The following TAFA1 variants were observed in gnomAD, a reference collection of about 807,000 sequenced individuals.
TAFA1 encodes the protein chemokine-like protein TAFA-1.
Under a neutral mutation model 18.5 loss-of-function variants are expected in TAFA1, and 4 were observed. The observed-to-expected ratio is 0.22, with a 90% CI of 0.11 to 0.49. The LOEUF (loss-of-function observed/expected upper bound fraction) is 0.49. TAFA1 is among the 20% of genes least tolerant of loss of function. TAFA1 has a pLI of 0.98. For missense variants in TAFA1, 147 were observed against 169.0 expected, an observed-to-expected ratio of 0.87 and a Z score of 0.72; for synonymous variants, 56 against 55.2, an observed-to-expected ratio of 1.01 and a Z score of -0.06.
chr3:68,199,212 A>T (rs2066446113), intron 2 of TAFA1, among the ~76,000 whole-genome samples: 1 of 151,424 alleles, frequency 6.6e-6, no homozygotes, highest in South Asian at 2.1e-4. Context: ...TGTGTCAATG[A>T]TTTATTTGTG....
chr3:68,233,692 C>A (rs927357115), intron 2 of TAFA1, among the ~76,000 whole-genome samples: 10 of 151,964 alleles, frequency 6.6e-5, no homozygotes, highest in African/African-American at 2.4e-4. Context: ...TGCATTGAAT[C>A]TGTAGATTGA....
intron 2 of TAFA1, among the ~76,000 whole-genome samples, chr3:68,345,508 C>A (rs556277121): frequency 1.3e-5 from 2 of 152,114 alleles, no homozygotes; most frequent in African/African-American, 2.4e-5. Context: ...GGATTAACAG[C>A]ACTCAGGGTG....
At chr3:68,285,110 CA>C (rs2067971943) in intron 2 of TAFA1, among the ~76,000 whole-genome samples, 1 of 152,178 alleles carries the variant, frequency 6.6e-6, no homozygotes, top group African/African-American at 2.4e-5. Flanking sequence ...AAACAAATTG[CA>C]AATGCATTCA....
chr3:68,314,391 G>A (rs921483100), intron 2 of TAFA1, among the ~76,000 whole-genome samples: 4 of 152,172 alleles, frequency 2.6e-5, no homozygotes, highest in Non-Finnish European at 5.9e-5. Context: ...TTACAGCAAA[G>A]TCATGCCACC....
intron 3 of TAFA1, among the ~76,000 whole-genome samples, chr3:68,434,837 A>G (rs957232023): frequency 6.6e-6 from 1 of 152,110 alleles, no homozygotes; most frequent in Admixed American, 6.6e-5. Context: ...CAAGAGAAAC[A>G]TGTCTAATAC....
chr3:68,196,178 C>A (rs544984459), intron 2 of TAFA1, among the ~76,000 whole-genome samples: 1 of 151,704 alleles, frequency 6.6e-6, no homozygotes, highest in Non-Finnish European at 1.5e-5. Flanking sequence ...AGCTCCCATC[C>A]GGCCTTGACT....
chr3:67,992,078 G>T, the TAFA1 span, among the ~76,000 whole-genome samples: 1 of 152,148 alleles, frequency 6.6e-6, no homozygotes, highest in African/African-American at 2.4e-5. Flanking sequence ...TGAGTGGAAG[G>T]GATGTGTTTC....
chr3:68,110,987 G>C lies in TAFA1; in HGVS notation c.118+104243G>C, dbSNP rs943261849. ...GACTTCATCACAGTAAGAGTTGTTT[G>C]AATGCCCCCCTCCTCCCAAATCTCA... is the stretch of plus-strand genomic sequence containing the variant. On this transcript the variant is annotated intron_variant, in intron 2 of 4. Coordinates refer to ENST00000478136, the MANE Select transcript of TAFA1 (RefSeq NM_213609.4). Among the ~76,000 whole-genome samples the C allele has an allele frequency of 2.0e-5, 3 of 152,108 alleles. No individual in the cohort carries two copies. In the East Asian group the frequency reaches 5.8e-4, roughly 29 times the overall value.
chr3:68,023,410 T>C lies in TAFA1; in HGVS notation c.118+16666T>C, dbSNP rs1704741096. Among the ~76,000 whole-genome samples the C allele has an allele frequency of 4.6e-5, 7 of 152,220 alleles. No homozygotes were observed. The South Asian group carries it at 1.5e-3, about 32-fold the overall frequency. ...TCAACATCAAATAAATGCCTTGACT[T>C]GGAAGTAACTTGCATCACAACTCAC... On this transcript the variant is annotated intron_variant, in intron 2 of 4. Coordinates refer to ENST00000478136, the MANE Select transcript of TAFA1 (RefSeq NM_213609.4).
chr3:68,249,554 A>G (rs561397448), intron 2 of TAFA1, among the ~76,000 whole-genome samples: 7 of 152,250 alleles, frequency 4.6e-5, no homozygotes, highest in Non-Finnish European at 8.8e-5. Context: ...AGATTCTGTT[A>G]TCAGTAAAAG....
intron 2 of TAFA1, among the ~76,000 whole-genome samples, chr3:68,344,299 G>T (rs1216953610): frequency 6.6e-6 from 1 of 152,080 alleles, no homozygotes; most frequent in Non-Finnish European, 1.5e-5. Flanking sequence ...AAGTGTTTTG[G>T]GGGCCTACTG....
At chr3:68,148,537 T>C (rs2065769432) in intron 2 of TAFA1, among the ~76,000 whole-genome samples, 1 of 152,136 alleles carries the variant, frequency 6.6e-6, no homozygotes. Context: ...CAATGACAGG[T>C]GTTTGAGAAA....
chr3:68,073,825 G>A (rs2064787873), intron 2 of TAFA1, among the ~76,000 whole-genome samples: 1 of 152,122 alleles, frequency 6.6e-6, no homozygotes, highest in African/African-American at 2.4e-5. Context: ...TATGTATTTA[G>A]TGAGTGCTTA....
chr3:68,389,347 G>A (rs1189270410), intron 2 of TAFA1, among the ~76,000 whole-genome samples: 3 of 151,952 alleles, frequency 2.0e-5, no homozygotes, highest in African/African-American at 7.3e-5. Flanking sequence ...TAAAAATATT[G>A]TATTCATTTC....
rs376021306 is a variant in TAFA1 at position 68,037,015 on chromosome 3, C to T, written c.118+30271C>T. ...CATAGTCTAGTGGAGCAGACAAATACGTGATTGTTAGCTATGTCACGATAA... is the reference window on the plus strand; with the variant it reads ...CATAGTCTAGTGGAGCAGACAAATATGTGATTGTTAGCTATGTCACGATAA... On this transcript the variant is annotated intron_variant, in intron 2 of 4. Transcript: ENST00000478136. 1.5e-3 allele frequency among the ~76,000 whole-genome samples: 233 copies of T among 152,158 alleles called. 2 individuals are homozygous for T. Among genetic ancestry groups the T allele is most frequent in the African/African-American group, 5.0e-3 (207 of 41,500 alleles).
At chr3:68,082,370 C>T (rs2064916158) in intron 2 of TAFA1, among the ~76,000 whole-genome samples, 1 of 152,166 alleles carries the variant, frequency 6.6e-6, no homozygotes, top group Non-Finnish European at 1.5e-5. Context: ...ATTTATTCCT[C>T]ATTTTTTTCC....
chr3:68,455,606 T>G (rs990508535), intron 3 of TAFA1, among the ~76,000 whole-genome samples: 3 of 152,146 alleles, frequency 2.0e-5, no homozygotes, highest in African/African-American at 7.2e-5. Flanking sequence ...TGGTGTGCAT[T>G]AGCTCTTGAG....
chr3:68,168,775 A>C (rs995986089), intron 2 of TAFA1, among the ~76,000 whole-genome samples: 12 of 152,270 alleles, frequency 7.9e-5, no homozygotes, highest in African/African-American at 2.9e-4. Flanking sequence ...TTAAGAATTT[A>C]TTGGGACAAA....
chr3:68,280,735 G>A (rs2067883979), intron 2 of TAFA1, among the ~76,000 whole-genome samples: 1 of 152,112 alleles, frequency 6.6e-6, no homozygotes, highest in Non-Finnish European at 1.5e-5. Flanking sequence ...TCAGGGATTG[G>A]AGAGAATTGC....
Sources: gnomAD v4.1 joint callset for allele counts (sites outside exome capture counted in the v4.1 genomes callset) on GRCh38, gnomAD v4.1.1 for gene constraint, MANE v1.5 for transcripts, NCBI Gene and HGNC (gene_info 2026-07-23, HGNC 2026-07-21) for gene names.